Variants in NEO1 observed in about 807,000 individuals in gnomAD.
NEO1 encodes the protein neogenin 1.
In NEO1, 63 loss-of-function variants were observed where a neutral mutation model predicts 159.7. That is an observed-to-expected ratio of 0.39 (90% CI 0.32 to 0.49). The LOEUF (loss-of-function observed/expected upper bound fraction) is 0.49, where lower values mean the gene tolerates loss of function less well. Among genes scored for constraint, NEO1 ranks in the 20% least tolerant of loss-of-function variants. The probability of loss-of-function intolerance (pLI) is 0.85; values close to 1 mark genes in which losing one functional copy is unlikely to be tolerated. For synonymous variants in NEO1, 633 were observed against 662.0 expected, an observed-to-expected ratio of 0.96 and a Z score of 0.67; for missense variants, 1,615 against 1,831.0, an observed-to-expected ratio of 0.88 and a Z score of 2.15.
chr15:73,129,876 C>T (rs906486292), intron 4 of NEO1, among the ~76,000 whole-genome samples: 1 of 152,100 alleles, frequency 6.6e-6, no homozygotes, highest in Non-Finnish European at 1.5e-5. Flanking sequence ...GCTAAATACA[C>T]CTAAAAACCC....
intron 15 of NEO1, among the ~76,000 whole-genome samples, chr15:73,262,129 G>A (rs2040645470): frequency 6.6e-6 from 1 of 152,126 alleles, no homozygotes; most frequent in South Asian, 2.1e-4. Flanking sequence ...AGACCTAAAT[G>A]CAAATGACCC....
Position 73,236,433 on chromosome 15 carries a change from C to T in NEO1, c.1378C>T (p.Arg460Trp). 4 of 1,614,144 alleles carry T rather than the reference C, an allele frequency of 2.5e-6. No individual in the cohort carries two copies. Among genetic ancestry groups the T allele is most frequent in the African/African-American group, 2.7e-5 (2 of 75,030 alleles). ...TACCCGCTTCATCAAATTGACGTGG[C>T]GGACACCTGCATCAGATCCTCACGG... Reference protein sequence around the residue: ...VSTRFIKLTWRTPASDPHGDN... With the variant: ...VSTRFIKLTWWTPASDPHGDN... Residue 460 changes from arginine (R) to tryptophan (W), a missense_variant, in exon 8 of 29, where the codon CGG becomes TGG. Physicochemically the swap from Arg to Trp is moderately radical, Grantham distance 101. This residue lies in a region of NEO1 where 1,018 missense variants were observed against 1,115.4 expected (regional missense o/e 0.91). Transcript: ENST00000261908.
chr15:73,217,959 CTA>C (rs1460970925), intron 7 of NEO1, among the ~76,000 whole-genome samples: 1 of 151,944 alleles, frequency 6.6e-6, no homozygotes, highest in Non-Finnish European at 1.5e-5. Context: ...ACTTCCAACA[CTA>C]TGTTGAATAG....
chr15:73,187,247 G>A lies in NEO1; in HGVS notation c.1291+8820G>A, dbSNP rs1276919047. Among the ~76,000 whole-genome samples, 3 of 152,080 alleles carry A rather than the reference G, an allele frequency of 2.0e-5. No homozygotes were observed. The East Asian group carries it at 5.8e-4, about 29-fold the overall frequency. ...AGATAGTGATCACAGAGATATGTTA[G>A]TAAACTATCTGTAGTTTGTAGTTCT... is the stretch of plus-strand genomic sequence containing the variant. On this transcript the variant is annotated intron_variant, in intron 7 of 28. Transcript: ENST00000261908.
intron 1 of NEO1, among the ~76,000 whole-genome samples, chr15:73,076,769 A>G (rs2068787240): frequency 1.3e-5 from 2 of 152,116 alleles, no homozygotes; most frequent in South Asian, 2.1e-4. Context: ...TTATTTTGCT[A>G]CTGCTCAGGC....
At chr15:73,055,258 A>C (rs1285512368) in intron 1 of NEO1, among the ~76,000 whole-genome samples, 1 of 152,168 alleles carries the variant, frequency 6.6e-6, no homozygotes, top group African/African-American at 2.4e-5. Context: ...AACATTCTTC[A>C]CCGAGGACTC....
At chr15:73,152,797 G>A (rs892873890) in intron 5 of NEO1, among the ~76,000 whole-genome samples, 4 of 152,124 alleles carry the variant, frequency 2.6e-5, no homozygotes, top group Admixed American at 2.0e-4. Context: ...GGTGTGTGGG[G>A]GGGAAACTCC....
intron 5 of NEO1, among the ~76,000 whole-genome samples, chr15:73,137,898 G>T (rs925898651): frequency 6.6e-6 from 1 of 152,132 alleles, no homozygotes; most frequent in African/African-American, 2.4e-5. Flanking sequence ...GATAACACAT[G>T]GAGTAAAATC....
At chr15:73,066,223 C>A (rs1299126867) in intron 1 of NEO1, among the ~76,000 whole-genome samples, 1 of 43,614 alleles carries the variant, frequency 2.3e-5, no homozygotes, top group Non-Finnish European at 4.4e-5. Flanking sequence ...GACGGGGTTT[C>A]ATCGTGTTAG....
In NEO1 at chr15:73,273,971, C is replaced by T; in HGVS notation, c.3126C>T (p.Pro1042=). ...CACGGAACTCAAAGGGCATGGGACC[C>T]ATGTCTGAAGCTGTCCAATTCAGAA... is the stretch of plus-strand genomic sequence containing the variant. ...IQARNSKGMG[P]MSEAVQFRTP... The change falls in exon 20 of 29, where the codon CCC becomes CCT. Residue 1042 remains proline (P), a synonymous_variant. Transcript: ENST00000261908. 1 of 1,614,102 alleles carries T rather than the reference C, an allele frequency of 6.2e-7. No individual in the cohort carries two copies. Among genetic ancestry groups the T allele is most frequent in the Non-Finnish European group, 8.5e-7 (1 of 1,179,994 alleles).
intron 7 of NEO1, among the ~76,000 whole-genome samples, chr15:73,235,766 G>A (rs1291681912): frequency 6.6e-6 from 1 of 152,224 alleles, no homozygotes; most frequent in Non-Finnish European, 1.5e-5. Context: ...TTAGACTAAA[G>A]TTGAAGATGT....
At chr15:73,137,111 A>G (rs1468681129) in intron 5 of NEO1, among the ~76,000 whole-genome samples, 1 of 152,148 alleles carries the variant, frequency 6.6e-6, no homozygotes, top group East Asian at 1.9e-4. Flanking sequence ...GTGCTTTCAC[A>G]AACATATATA....
At chr15:73,180,500 G>T (rs2035540836) in intron 7 of NEO1, among the ~76,000 whole-genome samples, 2 of 152,092 alleles carry the variant, frequency 1.3e-5, no homozygotes, top group African/African-American at 4.8e-5. Context: ...AGGTAGATAG[G>T]CTTATTTCTT....
intron 4 of NEO1, among the ~76,000 whole-genome samples, chr15:73,130,082 G>A (rs1312536722): frequency 6.6e-6 from 1 of 152,036 alleles, no homozygotes; most frequent in East Asian, 1.9e-4. Flanking sequence ...TGCAGCCTCC[G>A]CCTCCCAGGA....
chr15:73,199,019 G>A (rs1035743429), intron 7 of NEO1, among the ~76,000 whole-genome samples: 1 of 146,656 alleles, frequency 6.8e-6, no homozygotes. Flanking sequence ...TTCTTTTTCT[G>A]TTCCAGGATC....
chr15:73,243,292 G>T (rs1165372493), intron 8 of NEO1, among the ~76,000 whole-genome samples: 4 of 151,956 alleles, frequency 2.6e-5, no homozygotes, highest in South Asian at 4.2e-4. Context: ...AGACAAATTG[G>T]CATATGGTCA....
At chr15:73,250,257 T>G (rs990460837) in intron 11 of NEO1, among the ~76,000 whole-genome samples, 2 of 152,044 alleles carry the variant, frequency 1.3e-5, no homozygotes, top group African/African-American at 4.8e-5. Flanking sequence ...CCAAAGAGAT[T>G]AAGTAGGTCA....
At position 73,214,015 on chromosome 15, in the gene NEO1, C is replaced by G. The variant is rs531046220; in HGVS notation, c.1292-22332C>G. On this transcript the variant is annotated intron_variant, in intron 7 of 28. Transcript: ENST00000261908. Reference sequence around the variant, plus strand: ...TGGTTTTGATTTGCATTTCCCTGATCATTAGTGATGTTGAGCATTTTTTCG... The same window carrying G: ...TGGTTTTGATTTGCATTTCCCTGATGATTAGTGATGTTGAGCATTTTTTCG... 7.2e-5 allele frequency among the ~76,000 whole-genome samples: 11 copies of G among 152,188 alleles called. No individual in the cohort carries two copies. In the East Asian group the frequency reaches 1.9e-3, roughly 27 times the overall value.
At chr15:73,069,246 G>C (rs1288014595) in intron 1 of NEO1, among the ~76,000 whole-genome samples, 1 of 151,376 alleles carries the variant, frequency 6.6e-6, no homozygotes, top group Non-Finnish European at 1.5e-5. Context: ...ATAGGCATGA[G>C]CCACTGCGCA....
Sources: gnomAD v4.1 joint callset for allele counts (sites outside exome capture counted in the v4.1 genomes callset) on GRCh38, gnomAD v4.1.1 for gene constraint, gnomAD v4.1.1 regional missense constraint, MANE v1.5 for transcripts, NCBI Gene and HGNC (gene_info 2026-07-23, HGNC 2026-07-21) for gene names.